NEK1: variants seen among roughly 807,000 people sequenced by gnomAD.
NEK1 encodes NIMA related kinase 1.
NEK1 carries 137 observed loss-of-function variants against 182.1 expected under a neutral mutation model. The observed-to-expected ratio is 0.75, with a 90% CI of 0.65 to 0.87. The LOEUF (loss-of-function observed/expected upper bound fraction) is 0.87. Among genes scored for constraint, NEK1 ranks in the 40% least tolerant of loss-of-function variants. NEK1 has a pLI of 0.00. For synonymous variants in NEK1, 513 were observed against 492.2 expected (o/e 1.04, Z -0.56); for missense variants, 1,391 against 1,494.4 (o/e 0.93, Z 1.14).
intron 19 of NEK1, among the ~76,000 whole-genome samples, chr4:169,522,353 ATTCATC>A (rs1284296659): frequency 6.6e-6 from 1 of 152,250 alleles, no homozygotes; most frequent in African/African-American, 2.4e-5. Context: ...CCTACATCTG[ATTCATC>A]TTGATATGAA....
chr4:169,501,595 G>A (rs1752432447), intron 23 of NEK1, among the ~76,000 whole-genome samples: 1 of 151,946 alleles, frequency 6.6e-6, no homozygotes, highest in Admixed American at 6.6e-5. Flanking sequence ...AATACCAAGA[G>A]GAACTCTCAA....
intron 27 of NEK1, among the ~76,000 whole-genome samples, chr4:169,451,861 G>A (rs1318624470): frequency 6.6e-6 from 1 of 152,100 alleles, no homozygotes; most frequent in African/African-American, 2.4e-5. Flanking sequence ...TTTTTGAAAA[G>A]ATCAACAAAA....
intron 18 of NEK1, among the ~76,000 whole-genome samples, chr4:169,549,695 T>TTACAGG (rs1359612595): frequency 4.6e-5 from 7 of 152,038 alleles, no homozygotes; most frequent in African/African-American, 1.7e-4. Context: ...AGTGCTGGGA[T>TTACAGG]TACAGGTGTA....
chr4:169,561,406 A>G, intron 16 of NEK1, 74 bp downstream of exon 16: 1 of 1,253,290 alleles, frequency 8.0e-7, no homozygotes, highest in Non-Finnish European at 1.2e-6. Context: ...AATCCCAAGT[A>G]CATGCATTTT....
chr4:169,418,404 C>T (rs1267981315), intron 31 of NEK1, among the ~76,000 whole-genome samples: 3 of 152,046 alleles, frequency 2.0e-5, no homozygotes, highest in Admixed American at 6.6e-5. Flanking sequence ...TTATAAAACA[C>T]ACCCAGAAGT....
At chr4:169,524,336 T>G (rs896238762) in intron 19 of NEK1, among the ~76,000 whole-genome samples, 28 of 151,930 alleles carry the variant, frequency 1.8e-4, no homozygotes, top group African/African-American at 6.8e-4. Context: ...TGGTGGCGCA[T>G]GCCTGTAATC....
intron 29 of NEK1, among the ~76,000 whole-genome samples, chr4:169,430,882 A>ATCTAG (rs1737299503): frequency 6.6e-6 from 1 of 151,570 alleles, no homozygotes; most frequent in Admixed American, 6.6e-5. Flanking sequence ...GAGGTATCTA[A>ATCTAG]TAAGTCTATA....
At chr4:169,487,954 T>C (rs546305731) in intron 23 of NEK1, among the ~76,000 whole-genome samples, 3 of 152,360 alleles carry the variant, frequency 2.0e-5, no homozygotes, top group South Asian at 2.1e-4. Context: ...GCTGCATGCA[T>C]GTCTTCTTTT....
chr4:169,403,373 G>A (rs143841166), intron 32 of NEK1, among the ~76,000 whole-genome samples: 1 of 151,962 alleles, frequency 6.6e-6, no homozygotes, highest in Admixed American at 6.6e-5. Flanking sequence ...TTTGAGACAA[G>A]CCTGGGCAAC....
At chr4:169,593,692 T>C (rs1282287109) in intron 5 of NEK1, among the ~76,000 whole-genome samples, 1 of 152,154 alleles carries the variant, frequency 6.6e-6, no homozygotes, top group Non-Finnish European at 1.5e-5. Context: ...GGAAGCCCTT[T>C]AAAATTGTAA....
chr4:169,571,470 G>A (rs937316255), intron 12 of NEK1, among the ~76,000 whole-genome samples: 1 of 152,176 alleles, frequency 6.6e-6, no homozygotes, highest in South Asian at 2.1e-4. Context: ...GAGTAGAAAC[G>A]TGGGAATGGC....
chr4:169,504,005 A>G (rs1240394835), intron 23 of NEK1, among the ~76,000 whole-genome samples: 2 of 152,198 alleles, frequency 1.3e-5, no homozygotes, highest in African/African-American at 4.8e-5. Context: ...ACCAGAATAT[A>G]TAAGGACCTC....
chr4:169,500,541 C>T (rs1752242396), intron 23 of NEK1, among the ~76,000 whole-genome samples: 1 of 152,050 alleles, frequency 6.6e-6, no homozygotes, highest in Non-Finnish European at 1.5e-5. Context: ...CATCTTGGCT[C>T]CTCCTCCAAC....
At chr4:169,497,437 C>T (rs1191262367) in intron 23 of NEK1, among the ~76,000 whole-genome samples, 1 of 151,924 alleles carries the variant, frequency 6.6e-6, no homozygotes, top group African/African-American at 2.4e-5. Context: ...TATTTCTTGC[C>T]TTCTGCTAGC....
chr4:169,564,307 G>C (rs1249111725), intron 12 of NEK1, among the ~76,000 whole-genome samples: 1 of 151,844 alleles, frequency 6.6e-6, no homozygotes, highest in Non-Finnish European at 1.5e-5. Context: ...AAATTACTTG[G>C]GAAAAATATT....
At chr4:169,537,236 A>T (rs1758656723) in intron 19 of NEK1, among the ~76,000 whole-genome samples, 1 of 152,184 alleles carries the variant, frequency 6.6e-6, no homozygotes. Context: ...TTAAATACCA[A>T]AGAGAAAACA....
At chr4:169,485,089 AT>A (rs1443109380) in intron 23 of NEK1, among the ~76,000 whole-genome samples, 1 of 152,210 alleles carries the variant, frequency 6.6e-6, no homozygotes, top group Non-Finnish European at 1.5e-5. Context: ...AGAAATTAAA[AT>A]TTGAGCATTG....
At chr4:169,566,893 C>T (rs1763774975) in intron 12 of NEK1, among the ~76,000 whole-genome samples, 1 of 151,930 alleles carries the variant, frequency 6.6e-6, no homozygotes, top group African/African-American at 2.4e-5. Context: ...CACTTGAGCC[C>T]AGGAGTTTGA....
At chr4:169,483,740 C>T (rs1288432365) in intron 23 of NEK1, among the ~76,000 whole-genome samples, 1 of 151,810 alleles carries the variant, frequency 6.6e-6, no homozygotes, top group Non-Finnish European at 1.5e-5. Flanking sequence ...GTGGTGTACA[C>T]CTGTAGTCCC....
Sources: gnomAD v4.1 joint callset for allele counts (sites outside exome capture counted in the v4.1 genomes callset) on GRCh38, gnomAD v4.1.1 for gene constraint, MANE v1.5 for transcripts, NCBI Gene and HGNC (gene_info 2026-07-23, HGNC 2026-07-21) for gene names.